The following PSEN2 variants were observed in gnomAD, a reference collection of about 807,000 sequenced individuals.
The protein encoded by PSEN2 is presenilin-2.
PSEN2 carries 32 observed loss-of-function variants against 49.1 expected under a neutral mutation model. The ratio of observed to expected loss-of-function variants is 0.65; its 90% CI spans 0.49 to 0.88. The LOEUF (loss-of-function observed/expected upper bound fraction) is 0.88, where lower values mean the gene tolerates loss of function less well. Ranked by LOEUF, PSEN2 falls within the 40% of genes least tolerant of loss-of-function variation. The pLI, the probability that PSEN2 is intolerant of heterozygous loss-of-function variation, is 0.00. For synonymous variants in PSEN2, 255 were observed against 244.0 expected (o/e 1.05, Z -0.42); for missense variants, 522 against 586.9 (o/e 0.89, Z 1.14).
chr1:226,871,947 G>T (rs545656958), intron 2 of PSEN2, among the ~76,000 whole-genome samples: 1 of 152,396 alleles, frequency 6.6e-6, no homozygotes, highest in African/African-American at 2.4e-5. Context: ...AGAGACTGGA[G>T]TGAGGGCTTG....
chr1:226,894,528 T>C (rs1180566725), intron 12 of PSEN2, among the ~76,000 whole-genome samples: 3 of 152,232 alleles, frequency 2.0e-5, no homozygotes, highest in Admixed American at 6.5e-5. Context: ...GGACCATGTT[T>C]TCCCCCTCCT....
downstream of PSEN2, among the ~76,000 whole-genome samples, chr1:226,897,137 C>G (rs984185972): frequency 6.6e-6 from 1 of 152,032 alleles, no homozygotes; most frequent in Non-Finnish European, 1.5e-5. Context: ...GAAGCCACAG[C>G]GGGGAGCGGG....
intron 1 of PSEN2, chr1:226,870,852 G>C (rs1048525165): frequency 6.6e-6 from 1 of 152,390 alleles, no homozygotes; most frequent in African/African-American, 2.4e-5. Flanking sequence ...GGAGAGAGGA[G>C]AGTGCCCGGC....
At chr1:226,883,472 G>A (rs1354805010) in intron 4 of PSEN2, among the ~76,000 whole-genome samples, 2 of 152,178 alleles carry the variant, frequency 1.3e-5, no homozygotes, top group Non-Finnish European at 2.9e-5. Context: ...TAAGTCTTGG[G>A]CCTGCAGACC....
intron 12 of PSEN2, among the ~76,000 whole-genome samples, chr1:226,903,154 A>G (rs769351512): frequency 4.6e-5 from 7 of 152,068 alleles, no homozygotes; most frequent in Non-Finnish European, 1.0e-4. Flanking sequence ...TACTCTAACA[A>G]TGGGTGGTCT....
rs1207773429 is a variant in PSEN2, at chr1:226,888,827, A to G, written c.567-2A>G. 6.2e-7 allele frequency: 1 copy of G among 1,613,836 alleles called. No individual in the cohort carries two copies. The highest frequency in any genetic ancestry group is 8.5e-7 in the Non-Finnish European group (1 of 1,179,726). On this transcript the variant is annotated splice_acceptor_variant, in intron 7 of 12. Coordinates refer to ENST00000366783, the MANE Select transcript of PSEN2 (RefSeq NM_000447.3). LOFTEE classifies it high-confidence loss of function. ...GTCACAGGCTCCACCTTGGTCCTGC[A>G]GGGAAGTGCTCAAGACCTACAATGT...
rs867747113 is a variant in PSEN2 at position 226,873,957 on chromosome 1, C to T, written c.-206-1408C>T. On this transcript the variant is annotated intron_variant, in intron 2 of 12. Transcript: ENST00000366783. ...GGACACTTTCCCACCCTCCCTTTTG[C>T]CCCAGAGAAGCAGTGCCCTCTGTCC... 2.6e-5 allele frequency among the ~76,000 whole-genome samples: 4 copies of T among 152,234 alleles called. No homozygotes were observed. In the Middle Eastern group the frequency reaches 0.014, roughly 518 times the overall value.
chr1:226,876,061 A>T (rs1660608662), intron 3 of PSEN2, among the ~76,000 whole-genome samples: 1 of 152,144 alleles, frequency 6.6e-6, no homozygotes, highest in African/African-American at 2.4e-5. Context: ...CTGGTCGCTG[A>T]GTGGCTGATG....
Position 226,891,772 on chromosome 1 carries a change from C to A in PSEN2, c.1000C>A (p.Pro334Thr), listed in dbSNP as rs777639021. 3.7e-6 allele frequency: 6 copies of A among 1,614,018 alleles called. No individual in the cohort carries two copies. Among genetic ancestry groups the A allele is most frequent in the Admixed American group, 3.3e-5 (2 of 60,002 alleles). The change falls in exon 11 of 13, where the codon CCT becomes ACT. Residue 334 changes from proline (P) to threonine (T), a missense_variant. By Grantham distance (38) the Pro-to-Thr change is conservative. Coordinates refer to ENST00000366783, the MANE Select transcript of PSEN2 (RefSeq NM_000447.3). ...EEDSYDSFGE[P>T]SYPEVFEPPL... ...AGACTCCTATGACAGTTTTGGGGAG[C>A]CTTCATACCCCGAAGTCTTTGAGCC...
intron 3 of PSEN2, chr1:226,880,504 G>A (rs201092952): frequency 2.2e-5 from 34 of 1,519,690 alleles, no homozygotes; most frequent in Non-Finnish European, 2.8e-5. Flanking sequence ...TCTGGACAGC[G>A]ATCACTCAGC....
intron 12 of PSEN2, among the ~76,000 whole-genome samples, chr1:226,901,994 CA>C (rs1350011171): frequency 6.6e-6 from 1 of 152,114 alleles, no homozygotes; most frequent in East Asian, 1.9e-4. Context: ...GAGTTTCTCC[CA>C]GGAGGTAGGG....
intron 2 of PSEN2, among the ~76,000 whole-genome samples, chr1:226,873,072 G>A (rs1660410384): frequency 6.6e-6 from 1 of 152,080 alleles, no homozygotes; most frequent in Admixed American, 6.5e-5. Flanking sequence ...AGCTACTCAG[G>A]AGGCTGAGGC....
intron 2 of PSEN2, among the ~76,000 whole-genome samples, chr1:226,872,494 T>C (rs991115508): frequency 6.6e-6 from 1 of 152,246 alleles, no homozygotes; most frequent in Non-Finnish European, 1.5e-5. Flanking sequence ...CTTTATCTCT[T>C]GAGTTTTTGC....
Position 226,889,115 on chromosome 1 carries a change from C to A in PSEN2, c.787+66C>A, listed in dbSNP as rs7539119. 7.7e-3 allele frequency: 11,121 copies of A among 1,446,830 alleles called. 629 individuals are homozygous for A. In the African/African-American group the frequency reaches 0.13, roughly 17 times the overall value. 89.6% of individuals were successfully genotyped at this position (1,446,830 alleles called of 1,614,324 possible). A position where few individuals can be genotyped will look rare whatever the true frequency, so the allele number is the denominator to read the frequency against. The stretch of plus-strand genomic sequence containing the variant: ...GTCCAGGGCCAAATCGTCCCCAGTG[C>A]TGCACAAGGAGGGCAGGTGCTGAAG... On this transcript the variant is annotated intron_variant, in intron 8 of 12. Coordinates refer to ENST00000366783, the MANE Select transcript of PSEN2 (RefSeq NM_000447.3).
downstream of PSEN2, among the ~76,000 whole-genome samples, chr1:226,900,515 G>C (rs1558159135): frequency 1.3e-5 from 2 of 152,220 alleles, no homozygotes; most frequent in Admixed American, 1.3e-4. Flanking sequence ...GCAGGGTCCT[G>C]TGGTCACCCG....
chr1:226,903,522 C>T (rs910555365), intron 12 of PSEN2: 7 of 152,206 alleles, frequency 4.6e-5, no homozygotes, highest in Admixed American at 1.3e-4. Context: ...TTTCCTGAGT[C>T]GGCAGACATC....
chr1:226,891,629 G>A, intron 10 of PSEN2, 114 bp from the exon 11 acceptor site: 1 of 1,012,372 alleles, frequency 9.9e-7, no homozygotes, highest in South Asian at 1.3e-5. Context: ...GTGCTCAGGG[G>A]GACCCCTTCT....
chr1:226,892,008 C>T (rs1392197077), intron 11 of PSEN2, among the ~76,000 whole-genome samples, 164 bp downstream of exon 11: 1 of 152,182 alleles, frequency 6.6e-6, no homozygotes, highest in Non-Finnish European at 1.5e-5. Context: ...GCGCTGGGGT[C>T]TTCTCAGCAG....
chr1:226,885,600 T>C lies in PSEN2; in HGVS notation c.419T>C (p.Leu140Pro), dbSNP rs760299337. 2 of 1,613,926 alleles carry C rather than the reference T, an allele frequency of 1.2e-6. No individual in the cohort carries two copies. The highest frequency in any genetic ancestry group is 2.2e-5 in the South Asian group (2 of 91,064). The change falls in exon 6 of 13, where the codon CTG becomes CCG. Residue 140 changes from leucine (L) to proline (P), a missense_variant. Physicochemically the swap from Leu to Pro is moderately conservative, Grantham distance 98. Transcript: ENST00000366783. ...SVGQRLLNSV[L>P]NTLIMISVIV... The stretch of plus-strand genomic sequence containing the variant: ...GGCCAGCGCCTCCTCAACTCCGTGC[T>C]GAACACCCTCATCATGATCAGCGTC...
Sources: allele counts gnomAD v4.1 joint callset (sites outside exome capture counted in the v4.1 genomes callset), GRCh38; gene constraint gnomAD v4.1.1; transcripts MANE v1.5; gene names NCBI Gene and HGNC (gene_info 2026-07-23, HGNC 2026-07-21).